ACSM3: variants seen among roughly 807,000 people sequenced by gnomAD.
ACSM3 encodes acyl-CoA synthetase medium chain family member 3.
In ACSM3, 61 loss-of-function variants were observed where a neutral mutation model predicts 74.1. The ratio of observed to expected loss-of-function variants is 0.82; its 90% CI spans 0.67 to 1.02. The LOEUF (loss-of-function observed/expected upper bound fraction) is 1.02, where lower values mean the gene tolerates loss of function less well. Ranked by LOEUF, ACSM3 falls within the 50% of genes least tolerant of loss-of-function variation. The pLI, the probability that ACSM3 is intolerant of heterozygous loss-of-function variation, is 0.00. For missense variants in ACSM3, 660 were observed against 697.0 expected, an observed-to-expected ratio of 0.95 and a Z score of 0.60; for synonymous variants, 213 against 241.5, an observed-to-expected ratio of 0.88 and a Z score of 1.09.
intron 2 of ACSM3, among the ~76,000 whole-genome samples, chr16:20,751,886 A>T (rs1475148022): frequency 6.6e-6 from 1 of 152,168 alleles, no homozygotes; most frequent in African/African-American, 2.4e-5. Flanking sequence ...CTTGGCATTA[A>T]AACAAAAGGA....
At chr16:20,783,699 A>T (rs1171084254) in intron 7 of ACSM3, 1 of 152,172 alleles carries the variant, frequency 6.6e-6, no homozygotes, top group Non-Finnish European at 1.5e-5. Context: ...CTTGCTTCAA[A>T]CCTTGTCCCC....
intron 3 of ACSM3, among the ~76,000 whole-genome samples, chr16:20,756,550 G>A (rs562166741): frequency 4.1e-4 from 62 of 152,282 alleles, no homozygotes; most frequent in African/African-American, 1.0e-3. Context: ...TGTCAGATGA[G>A]TAGGTTGCGA....
At position 20,796,498 on chromosome 16, in the gene ACSM3, C is replaced by T. The variant is rs762042962; in HGVS notation, c.1674+9C>T. ...ACAAATATCCCAGAAAGGTAGGCAT[C>T]CTAATTATAACGAATATTTGCTCAG... On this transcript the variant is annotated intron_variant, in intron 13 of 13. Transcript: ENST00000289416. 67 of 1,609,922 alleles carry T rather than the reference C, an allele frequency of 4.2e-5. No individual in the cohort carries two copies. The highest frequency in any genetic ancestry group is 5.5e-5 in the Non-Finnish European group (65 of 1,179,186).
chr16:20,729,002 G>C (rs1441697824), intron 1 of ACSM3, among the ~76,000 whole-genome samples: 1 of 152,198 alleles, frequency 6.6e-6, no homozygotes, highest in African/African-American at 2.4e-5. Context: ...CAGCTATCCA[G>C]AAGGCTGAGG....
chr16:20,713,045 T>C (rs1667779231), intron 1 of ACSM3, among the ~76,000 whole-genome samples: 1 of 152,210 alleles, frequency 6.6e-6, no homozygotes, highest in Non-Finnish European at 1.5e-5. Context: ...ATTTGTCCAA[T>C]CCCAAAATTC....
intron 1 of ACSM3, chr16:20,738,009 G>A (rs889565816): frequency 2.9e-5 from 44 of 1,513,532 alleles, no homozygotes; most frequent in Admixed American, 4.3e-5. Flanking sequence ...CTTAAAGATC[G>A]AACTCTAAAA....
chr16:20,793,147 C>G (rs1440472500), intron 12 of ACSM3, among the ~76,000 whole-genome samples: 1 of 152,120 alleles, frequency 6.6e-6, no homozygotes. Flanking sequence ...TAGAAGGTAT[C>G]CAATCTCAGG....
chr16:20,709,568 G>A (rs1293196510), intron 1 of ACSM3, among the ~76,000 whole-genome samples: 5 of 151,952 alleles, frequency 3.3e-5, no homozygotes, highest in East Asian at 1.9e-4. Flanking sequence ...AATATACCAC[G>A]GATACTAATT....
intron 2 of ACSM3, among the ~76,000 whole-genome samples, chr16:20,753,769 A>G (rs908265509): frequency 6.6e-6 from 1 of 152,136 alleles, no homozygotes; most frequent in East Asian, 1.9e-4. Context: ...CAAATGGCCC[A>G]AGAAATTTTA....
At chr16:20,781,592 A>C (rs2074542) in intron 6 of ACSM3, 116 bp from the exon 7 acceptor site, 118,714 of 817,170 alleles carry the variant, frequency 0.15, 9,231 homozygotes, top group Middle Eastern at 0.24. Flanking sequence ...AAGAAAAGGT[A>C]AGAATGTATT....
At chr16:20,700,388 A>T (rs2079709881) in intron 1 of ACSM3, among the ~76,000 whole-genome samples, 1 of 152,168 alleles carries the variant, frequency 6.6e-6, no homozygotes, top group African/African-American at 2.4e-5. Flanking sequence ...AAAAGAAAAC[A>T]GAACAGGGCA....
chr16:20,694,094 TA>T (rs1442609452), intron 1 of ACSM3, among the ~76,000 whole-genome samples: 1 of 152,266 alleles, frequency 6.6e-6, no homozygotes, highest in African/African-American at 2.4e-5. Context: ...CTTGCTTATT[TA>T]AAAGTGTTTT....
At chr16:20,761,934 AGTGCTGACAGGCCACTGCAC>A (rs1293151215), upstream of ACSM3, among the ~76,000 whole-genome samples, 3 of 152,244 alleles carry the variant, frequency 2.0e-5, no homozygotes, top group Admixed American at 6.5e-5. Flanking sequence ...GCCCCTCCCA[AGTGCTGACAGGCCACTGCAC>A]GTGCAGACAG....
At chr16:20,708,098 C>T (rs1238956099) in intron 1 of ACSM3, among the ~76,000 whole-genome samples, 5 of 152,214 alleles carry the variant, frequency 3.3e-5, no homozygotes, top group African/African-American at 7.2e-5. Context: ...GTTAGGAGTT[C>T]GAGACCAAGC....
chr16:20,686,214 A>AT (rs946746898), intron 1 of ACSM3, among the ~76,000 whole-genome samples: 1 of 151,648 alleles, frequency 6.6e-6, no homozygotes, highest in African/African-American at 2.4e-5. Flanking sequence ...TTTGAAAAAA[A>AT]TTTTTTTAAT....
intron 3 of ACSM3, among the ~76,000 whole-genome samples, chr16:20,755,939 C>T (rs1002830734): frequency 1.1e-4 from 17 of 151,932 alleles, no homozygotes; most frequent in Non-Finnish European, 7.4e-5. Context: ...CAATTTCATC[C>T]GTGTCCCTAC....
intron 8 of ACSM3, among the ~76,000 whole-genome samples, chr16:20,785,716 C>T (rs1414719410): frequency 6.6e-6 from 1 of 152,064 alleles, no homozygotes; most frequent in Non-Finnish European, 1.5e-5. Flanking sequence ...CTTTATAATG[C>T]TTCAATTTAT....
At chr16:20,737,702 A>G (rs1227066335) in intron 1 of ACSM3, 2 of 1,600,036 alleles carry the variant, frequency 1.2e-6, no homozygotes, top group Non-Finnish European at 1.7e-6. Flanking sequence ...ACTAAGAGAA[A>G]CATACCTGCC....
chr16:20,730,769 T>G (rs1231944963), intron 1 of ACSM3, among the ~76,000 whole-genome samples: 2 of 152,180 alleles, frequency 1.3e-5, no homozygotes, highest in East Asian at 3.8e-4. Context: ...TTGGTAGGTT[T>G]TAAACAGTAT....
Sources: allele counts gnomAD v4.1 joint callset (sites outside exome capture counted in the v4.1 genomes callset), GRCh38; gene constraint gnomAD v4.1.1; transcripts MANE v1.5; gene names NCBI Gene and HGNC (gene_info 2026-07-23, HGNC 2026-07-21).